The following FLT4 variants were observed in gnomAD, a reference collection of about 807,000 sequenced individuals.
FLT4 encodes the protein vascular endothelial growth factor receptor 3.
A neutral mutation model predicts 163.2 loss-of-function variants in FLT4; 30 were observed. The observed-to-expected ratio is 0.18, with a 90% CI of 0.14 to 0.25. The LOEUF is 0.25. FLT4 is among the 10% of genes least tolerant of loss of function. The pLI is 1.00. For missense variants in FLT4, 1,510 were observed against 1,863.8 expected (o/e 0.81, Z 3.50); for synonymous variants, 884 against 789.5 (o/e 1.12, Z -2.01).
At chr5:180,612,701 A>G in intron 25 of FLT4, 90 bp from the exon 26 acceptor site, 1 of 823,572 alleles carries the variant, frequency 1.2e-6, no homozygotes, top group Non-Finnish European at 2.0e-6. Context: ...CCTCTCACCC[A>G]CTCTGCCCTC....
chr5:180,605,695 T>C (rs938327504), intron 29 of FLT4, among the ~76,000 whole-genome samples: 3 of 152,226 alleles, frequency 2.0e-5, no homozygotes, highest in African/African-American at 7.2e-5. Flanking sequence ...TGAAGGCTCA[T>C]ACACGTCCCG....
intron 27 of FLT4, among the ~76,000 whole-genome samples, chr5:180,610,535 T>C (rs1352555171): frequency 6.6e-6 from 1 of 152,194 alleles, no homozygotes; most frequent in Non-Finnish European, 1.5e-5. Context: ...CTGCTGTGAA[T>C]GGGGCCAGCA....
At position 180,602,124 on chromosome 5, in the gene FLT4, C is replaced by T. The variant is rs1581594992; in HGVS notation, c.*1068G>A. 4.3e-6 allele frequency: 1 copy of T among 233,858 alleles called. No homozygotes were observed. The highest frequency in any genetic ancestry group is 1.8e-4 in the South Asian group (1 of 5,540). 14.5% of individuals were successfully genotyped at this position (233,858 alleles called of 1,614,324 possible). On this transcript the variant is annotated 3_prime_UTR_variant, in exon 30 of 30. Transcript: ENST00000261937. Reference sequence around the variant, plus strand: ...GCACAGGGCAGGAAAAGGCTGAAGGCAGGTCCCCAGAATGTCCACTGAGTG... The same window carrying T: ...GCACAGGGCAGGAAAAGGCTGAAGGTAGGTCCCCAGAATGTCCACTGAGTG...
chr5:180,622,837 A>G lies in FLT4; in HGVS notation c.1551T>C (p.Thr517=), dbSNP rs745859371. The G allele has an allele frequency of 4.4e-6, 7 of 1,606,472 alleles. No individual in the cohort carries two copies. Among genetic ancestry groups the G allele is most frequent in the South Asian group, 2.2e-5 (2 of 90,950 alleles). Reference sequence around the variant, plus strand: ...CATTCTGGATCACCAGCTTGCTCACAGTCTGGGAGAGCACAGGCACAAGGA... The same window carrying G: ...CATTCTGGATCACCAGCTTGCTCACGGTCTGGGAGAGCACAGGCACAAGGA... ...WTEFVEGKNK[T]VSKLVIQNAN... is the part of the protein sequence containing the mutation. The change falls in exon 12 of 30, where the codon ACT becomes ACC. Residue 517 remains threonine (T), a splice_region_variant and synonymous_variant. Coordinates refer to ENST00000261937, the MANE Select transcript of FLT4 (RefSeq NM_182925.5).
intron 1 of FLT4, among the ~76,000 whole-genome samples, chr5:180,642,346 G>A (rs921974381): frequency 5.3e-5 from 8 of 152,122 alleles, no homozygotes; most frequent in South Asian, 4.1e-4. Context: ...TGGGGGCCTC[G>A]CTGGTGGGAG....
chr5:180,629,523 G>A (rs1356533636), intron 6 of FLT4, 96 bp from the exon 7 acceptor site: 5 of 1,519,132 alleles, frequency 3.3e-6, no homozygotes, highest in African/African-American at 1.4e-5. Flanking sequence ...CGGTGGCTCC[G>A]GAAGCCCTGG....
intron 28 of FLT4, chr5:180,609,365 G>T: frequency 2.0e-6 from 1 of 492,586 alleles, no homozygotes; most frequent in Non-Finnish European, 3.7e-6. Flanking sequence ...AGCAGGGAGA[G>T]GCCTCACAAC....
intron 20 of FLT4, 24 bp downstream of exon 20, chr5:180,618,997 G>A: frequency 1.3e-6 from 2 of 1,547,150 alleles, no homozygotes; most frequent in South Asian, 2.4e-5. Flanking sequence ...GCCGCCCGCG[G>A]CGCCCCGCAG....
chr5:180,621,927 T>C lies in FLT4; in HGVS notation c.1658-23A>G, dbSNP rs113515186. The C allele has an allele frequency of 4.0e-4, 651 of 1,612,666 alleles. 3 individuals carry two copies. The African/African-American group carries it at 7.5e-3, about 19-fold the overall frequency. ...TGGCTGTGGAGGGAGGAAGAAGCCC[T>C]GTGGCACTGCCCTGGGAGTTTGCTC... On this transcript the variant is annotated intron_variant, in intron 12 of 29. Transcript: ENST00000261937.
At chr5:180,650,001 C>T (rs1389301934), upstream of FLT4, among the ~76,000 whole-genome samples, 2 of 151,448 alleles carry the variant, frequency 1.3e-5, no homozygotes, top group African/African-American at 4.9e-5. Flanking sequence ...ATAGGGAGAC[C>T]CAGTCTCAAA....
At chr5:180,631,255 C>T (rs1197880128) in intron 2 of FLT4, among the ~76,000 whole-genome samples, 2 of 151,908 alleles carry the variant, frequency 1.3e-5, no homozygotes, top group African/African-American at 2.4e-5. Context: ...GGGTGGGTTA[C>T]GAGGTCAGGA....
intron 10 of FLT4, 134 bp downstream of exon 10, chr5:180,625,735 C>T: frequency 1.2e-6 from 1 of 835,004 alleles, no homozygotes; most frequent in Non-Finnish European, 2.0e-6. Flanking sequence ...AGGTAGGGTT[C>T]AAGTTCAGAG....
In FLT4 at chr5:180,636,267, C is replaced by G. The variant is rs1192795178; in HGVS notation, c.59-4489G>C. On this transcript the variant is annotated intron_variant, in intron 1 of 29. Transcript: ENST00000261937. The surrounding 1 kb of genome is among the most constrained non-coding windows in gnomAD (Gnocchi z 4.3). ...GCCTTTACCAACCTTCCACTGTGCC[C>G]TGTGTGATCGGCAAACTTTGCTGTA... Among the ~76,000 whole-genome samples, 1 of 152,132 alleles carries G rather than the reference C, an allele frequency of 6.6e-6. No homozygotes were observed. Among genetic ancestry groups the G allele is most frequent in the Non-Finnish European group, 1.5e-5 (1 of 68,002 alleles).
intron 21 of FLT4, 152 bp from the exon 22 acceptor site, chr5:180,617,146 C>T (rs561362074): frequency 3.4e-5 from 23 of 684,498 alleles, no homozygotes; most frequent in Admixed American, 1.8e-4. Flanking sequence ...CCTCTCCTGC[C>T]CCTCAGCCTC....
chr5:180,613,761 A>G, intron 24 of FLT4: 1 of 459,670 alleles, frequency 2.2e-6, no homozygotes, highest in Non-Finnish European at 4.0e-6. Flanking sequence ...GAGCTCTTGG[A>G]GTAGGCACGT....
At chr5:180,609,733 G>A in intron 28 of FLT4, 172 bp downstream of exon 28, 1 of 737,958 alleles carries the variant, frequency 1.4e-6, no homozygotes, top group Non-Finnish European at 2.3e-6. Context: ...GCAGCTGTGA[G>A]TCGTGGCATC....
At chr5:180,621,420 G>C (rs1581650728) in intron 13 of FLT4, 122 bp downstream of exon 13, 5 of 1,456,094 alleles carry the variant, frequency 3.4e-6, no homozygotes, top group Non-Finnish European at 3.7e-6. Context: ...AGTCAGGAGG[G>C]GTAGCTCCTG....
chr5:180,609,614 C>T (rs1581610631), intron 28 of FLT4: 1 of 431,144 alleles, frequency 2.3e-6, no homozygotes, highest in East Asian at 4.7e-5. Flanking sequence ...CTGACCAGGC[C>T]CGGGACCCCC....
Position 180,602,970 on chromosome 5 carries a change from C to T in FLT4, c.*222G>A, listed in dbSNP as rs1205356404. The T allele has an allele frequency of 1.7e-5, 10 of 601,708 alleles. No individual in the cohort carries two copies. Among genetic ancestry groups the T allele is most frequent in the South Asian group, 7.9e-5 (4 of 50,912 alleles). 37.3% of individuals were successfully genotyped at this position (601,708 alleles called of 1,614,324 possible). A position where few individuals can be genotyped will look rare whatever the true frequency, so the allele number is the denominator to read the frequency against. On this transcript the variant is annotated 3_prime_UTR_variant, in exon 30 of 30. Coordinates refer to ENST00000261937, the MANE Select transcript of FLT4 (RefSeq NM_182925.5). ...ACATCTGAATCTCAGGGGGAGGGGC[C>T]GGGGCAGCTGGAGCGTGGCCCTGGC...
Sources: allele counts gnomAD v4.1 joint callset (sites outside exome capture counted in the v4.1 genomes callset), GRCh38; gene constraint gnomAD v4.1.1; non-coding constraint Gnocchi (gnomAD v3.1); transcripts MANE v1.5; gene names NCBI Gene and HGNC (gene_info 2026-07-23, HGNC 2026-07-21).